DST: variants seen among roughly 807,000 people sequenced by gnomAD.
DST encodes dystonin.
DST carries 253 observed loss-of-function variants against 875.2 expected under a neutral mutation model. The observed-to-expected ratio is 0.29, with a 90% CI of 0.26 to 0.32. The LOEUF (loss-of-function observed/expected upper bound fraction) is 0.32, where lower values mean the gene tolerates loss of function less well. Among genes scored for constraint, DST ranks in the 10% least tolerant of loss-of-function variants. DST has a pLI of 1.00. For synonymous variants in DST, 3,124 were observed against 3,197.1 expected (o/e 0.98, Z 0.77); for missense variants, 8,287 against 9,111.6 (o/e 0.91, Z 3.68).
chr6:56,585,976 C>G (rs1452935196), intron 49 of DST, among the ~76,000 whole-genome samples: 1 of 132,304 alleles, frequency 7.6e-6, no homozygotes, highest in East Asian at 2.0e-4. Context: ...GTTATAATTT[C>G]TGTTCTTTTA....
At chr6:56,481,165 C>T (rs1042527624) in intron 90 of DST, among the ~76,000 whole-genome samples, 2 of 152,144 alleles carry the variant, frequency 1.3e-5, no homozygotes, top group Non-Finnish European at 2.9e-5. Context: ...ATTAACATAA[C>T]AAGTCTCCAC....
intron 98 of DST, chr6:56,467,173 G>A (rs1322561317): frequency 6.6e-6 from 1 of 152,076 alleles, no homozygotes; most frequent in East Asian, 1.9e-4. Context: ...AAAGCAAAAT[G>A]AACAGTCAAT....
chr6:56,466,836 G>C (rs1430610132), intron 98 of DST: 2 of 152,148 alleles, frequency 1.3e-5, no homozygotes, highest in African/African-American at 4.8e-5. Context: ...TTAGATTACT[G>C]TAATATTAGA....
chr6:56,704,360 G>C lies in DST; in HGVS notation c.697C>G (p.His233Asp). Residue 233 changes from histidine to aspartate, a missense_variant, in exon 6 of 104, where the codon CAT becomes GAT. Transcript: ENST00000680361. ...INQHLMKVRK[H>D]VNDLYEDLRD... Reference sequence around the variant, plus strand: ...AAGTCTTCATAGAGATCATTCACATGTTTTCGAACCTATAAAGAGAAAAGC... The same window carrying C: ...AAGTCTTCATAGAGATCATTCACATCTTTTCGAACCTATAAAGAGAAAAGC... The C allele has an allele frequency of 6.4e-6, 10 of 1,555,506 alleles. No homozygotes were observed. Among genetic ancestry groups the C allele is most frequent in the African/African-American group, 1.4e-5 (1 of 72,992 alleles).
intron 71 of DST, 42 bp from the exon 72 acceptor site, chr6:56,515,710 C>T (rs757256052): frequency 9.4e-6 from 14 of 1,482,848 alleles, no homozygotes; most frequent in Non-Finnish European, 1.3e-5. Flanking sequence ...GTCAGGCCAA[C>T]GAGCACACAC....
At position 56,568,462 on chromosome 6, in the gene DST, C is replaced by T. The variant is rs2097720524; in HGVS notation, c.14005+7G>A. On this transcript the variant is annotated splice_region_variant and intron_variant, in intron 55 of 103. Transcript: ENST00000680361. The stretch of plus-strand genomic sequence containing the variant: ...GTTTTTGCCATAAATGTAAATAAAG[C>T]TCATACCTGATTTAACTGCTGCTAT... The T allele has an allele frequency of 6.3e-7, 1 of 1,593,616 alleles. No individual in the cohort carries two copies. The highest frequency in any genetic ancestry group is 8.5e-7 in the Non-Finnish European group (1 of 1,174,064).
At position 56,625,332 on chromosome 6, in the gene DST, T is replaced by C. The variant is rs1057318986; in HGVS notation, c.4723-68A>G. On this transcript the variant is annotated intron_variant, in intron 34 of 103. Transcript: ENST00000680361. Reference sequence around the variant, plus strand: ...TACTAGAGTTTCATTCTACAATAATTTAACACAGATAATTAGAACCTAGAT... The same window carrying C: ...TACTAGAGTTTCATTCTACAATAATCTAACACAGATAATTAGAACCTAGAT... The C allele has an allele frequency of 3.2e-5, 31 of 983,982 alleles. No homozygotes were observed. The Middle Eastern group carries it at 1.3e-3, about 40-fold the overall frequency. 61.0% of individuals were successfully genotyped at this position (983,982 alleles called of 1,614,324 possible).
chr6:56,488,113 CATT>C (rs2095622489), intron 86 of DST, among the ~76,000 whole-genome samples: 2 of 152,136 alleles, frequency 1.3e-5, no homozygotes, highest in Admixed American at 6.5e-5. Flanking sequence ...ATTACAATCA[CATT>C]ATTTCTACAG....
intron 9 of DST, among the ~76,000 whole-genome samples, chr6:56,690,090 CT>C (rs548364401): frequency 5.3e-5 from 8 of 152,290 alleles, no homozygotes; most frequent in Admixed American, 2.6e-4. Flanking sequence ...CCTGCTCTAA[CT>C]TTTTAGCAAT....
chr6:56,604,339 C>T lies in DST; in HGVS notation c.10289G>A (p.Ser3430Asn). The T allele has an allele frequency of 6.2e-7, 1 of 1,612,424 alleles. No homozygotes were observed. The highest frequency in any genetic ancestry group is 1.1e-5 in the South Asian group (1 of 91,000). ...MTNSSELKPESRDDPFCIGNL... is the reference protein window; with the variant it reads ...MTNSSELKPENRDDPFCIGNL... ...TCCAATACAGAAAGGATCATCTCTA[C>T]TTTCTGGCTTTAGTTCTGATGAGTT... The change falls in exon 40 of 104, where the codon AGT becomes AAT. Residue 3430 changes from serine (S) to asparagine (N), a missense_variant. Physicochemically the swap from Ser to Asn is conservative, Grantham distance 46. Coordinates refer to ENST00000680361, the MANE Select transcript of DST (RefSeq NM_001374736.1).
intron 4 of DST, among the ~76,000 whole-genome samples, chr6:56,817,150 G>A (rs1485331058): frequency 1.3e-5 from 2 of 151,990 alleles, no homozygotes. Context: ...GGGAAAAAGA[G>A]AGGACTAAAA....
rs1816832077 is a variant in DST at position 56,941,957 on chromosome 6, CT to C, written c.216+11827del. Among the ~76,000 whole-genome samples, 3 of 152,230 alleles carry C rather than the reference CT, an allele frequency of 2.0e-5. No individual in the cohort carries two copies. The South Asian group carries it at 6.2e-4, about 32-fold the overall frequency. ...TGATTACAGCATTGTCTAATTCCGC[CT>C]TTACTTTTGAAATGTTTATGTCATA... is the stretch of plus-strand genomic sequence containing the variant. On this transcript the variant is annotated intron_variant, in intron 2 of 103. Coordinates refer to ENST00000680361, the MANE Select transcript of DST (RefSeq NM_001374736.1).
chr6:56,534,088 C>T (rs1384336476), intron 63 of DST, among the ~76,000 whole-genome samples: 1 of 152,014 alleles, frequency 6.6e-6, no homozygotes, highest in African/African-American at 2.4e-5. Context: ...CCTTTAAAAT[C>T]TATTCTTTTA....
At chr6:56,725,283 G>A (rs1342809465) in intron 5 of DST, among the ~76,000 whole-genome samples, 1 of 152,148 alleles carries the variant, frequency 6.6e-6, no homozygotes. Context: ...CAGACTCCAG[G>A]TATGACTAGC....
intron 49 of DST, among the ~76,000 whole-genome samples, chr6:56,584,311 C>T (rs890297590): frequency 1.3e-5 from 2 of 151,958 alleles, no homozygotes; most frequent in Admixed American, 6.6e-5. Flanking sequence ...TCCTTCACGT[C>T]CCTTGTAAGT....
At chr6:56,835,868 C>T (rs1052156253) in intron 4 of DST, among the ~76,000 whole-genome samples, 3 of 152,184 alleles carry the variant, frequency 2.0e-5, no homozygotes, top group Non-Finnish European at 4.4e-5. Flanking sequence ...AAGACTTTGT[C>T]AACGCTCTTT....
chr6:56,716,189 C>T (rs2099393970), intron 5 of DST, among the ~76,000 whole-genome samples: 1 of 152,034 alleles, frequency 6.6e-6, no homozygotes, highest in South Asian at 2.1e-4. Flanking sequence ...TAAAACAAAA[C>T]ACTTTCAATA....
In DST at chr6:56,493,035, C is replaced by T. The variant is rs2095802008; in HGVS notation, c.20449G>A (p.Asp6817Asn). ...LAMEFHNSLQ[D>N]FINWLTQAEQ... Reference sequence around the variant, plus strand: ...GCCTGAGTAAGCCAGTTGATGAAGTCTTGGAGAGAATTGTGGAACTCCATT... The same window carrying T: ...GCCTGAGTAAGCCAGTTGATGAAGTTTTGGAGAGAATTGTGGAACTCCATT... Residue 6817 changes from aspartate (D) to asparagine (N), a missense_variant, in exon 84 of 104, where the codon GAC becomes AAC. Transcript: ENST00000680361. 6.2e-7 allele frequency: 1 copy of T among 1,612,692 alleles called. No homozygotes were observed. Among genetic ancestry groups the T allele is most frequent in the South Asian group, 1.1e-5 (1 of 90,742 alleles).
chr6:56,569,789 C>T (rs1562867519), intron 54 of DST, 67 bp downstream of exon 54: 3 of 1,399,316 alleles, frequency 2.1e-6, no homozygotes, highest in Non-Finnish European at 3.0e-6. Context: ...AAGAAAACTA[C>T]CATTAGTCTT....
Sources: gnomAD v4.1 joint callset for allele counts (sites outside exome capture counted in the v4.1 genomes callset) on GRCh38, gnomAD v4.1.1 for gene constraint, MANE v1.5 for transcripts, NCBI Gene and HGNC (gene_info 2026-07-23, HGNC 2026-07-21) for gene names.